Variants in PDS5A observed in about 807,000 individuals in gnomAD.
PDS5A encodes the protein sister chromatid cohesion protein PDS5 homolog A.
A neutral mutation model predicts 167.1 loss-of-function variants in PDS5A; 42 were observed. That is an observed-to-expected ratio of 0.25 (90% CI 0.20 to 0.33). The LOEUF (loss-of-function observed/expected upper bound fraction) is 0.33. Among genes scored for constraint, PDS5A ranks in the 10% least tolerant of loss-of-function variants. PDS5A has a pLI of 1.00. For synonymous variants in PDS5A, 553 were observed against 554.6 expected (o/e 1.00, Z 0.04); for missense variants, 1,033 against 1,605.9 (o/e 0.64, Z 6.10).
intron 2 of PDS5A, among the ~76,000 whole-genome samples, chr4:39,945,458 C>CAAAAAAAAAAAAAAAAAAAAAA (rs1210256217): frequency 1.5e-5 from 1 of 66,840 alleles, no homozygotes; most frequent in Non-Finnish European, 3.0e-5. Context: ...GAGACTGCCT[C>CAAAAAAAAAAAAAAAAAAAAAA]AAAAAAAAAA....
rs1210256217 is a variant in PDS5A, at chr4:39,945,458, C to CAAAAAAAAAAAA, written c.139-17306_139-17295dup. The stretch of plus-strand genomic sequence containing the variant: ...CCTGGGCGACAGAGCGAGACTGCCT[C>CAAAAAAAAAAAA]AAAAAAAAAAAAAAAAAAAAAAATT... On this transcript the variant is annotated intron_variant, in intron 2 of 32. Transcript: ENST00000303538. Among the ~76,000 whole-genome samples, 182 of 66,812 alleles carry CAAAAAAAAAAAA rather than the reference C, an allele frequency of 2.7e-3. 3 individuals carry two copies. Among genetic ancestry groups the CAAAAAAAAAAAA allele is most frequent in the African/African-American group, 9.1e-3 (169 of 18,586 alleles). 43.8% of individuals were successfully genotyped at this position (66,812 alleles called of 152,430 possible). A position where few individuals can be genotyped will look rare whatever the true frequency, so the allele number is the denominator to read the frequency against.
intron 2 of PDS5A, among the ~76,000 whole-genome samples, chr4:39,968,834 G>T (rs1730235657): frequency 6.6e-6 from 1 of 151,380 alleles, no homozygotes; most frequent in South Asian, 2.1e-4. Flanking sequence ...GGAGTGCAGT[G>T]GCGTGATCTC....
intron 17 of PDS5A, 115 bp from the exon 18 acceptor site, chr4:39,879,948 T>TG (rs1020167808): frequency 1.7e-5 from 10 of 597,016 alleles, no homozygotes; most frequent in Middle Eastern, 3.2e-4. Flanking sequence ...GGAGTTTCTG[T>TG]GGGGGAAAAA....
intron 16 of PDS5A, among the ~76,000 whole-genome samples, chr4:39,894,852 T>G (rs1396170509): frequency 6.6e-6 from 1 of 152,108 alleles, no homozygotes. Context: ...TGCAGGGCCC[T>G]TATACAGAGA....
rs200423181 is a variant in PDS5A, at chr4:39,973,738, G to T, written c.138+2702C>A. On this transcript the variant is annotated intron_variant, in intron 2 of 32. Transcript: ENST00000303538. ...CACTAACCAGCATATGCAGAGAATG[G>T]CAAGTGTACGAGCTGTGCCCAACCA... The T allele has an allele frequency of 1.5e-5, 19 of 1,287,008 alleles. No homozygotes were observed. In the African/African-American group the frequency reaches 2.2e-4, roughly 15 times the overall value. The allele number at this position is 1,287,008 out of a possible 1,614,324, so 79.7% of individuals were successfully genotyped here.
chr4:39,874,230 A>T, intron 20 of PDS5A, 59 bp downstream of exon 20: 1 of 1,451,098 alleles, frequency 6.9e-7, no homozygotes, highest in South Asian at 1.2e-5. Flanking sequence ...CATCTTCATC[A>T]AACTATAGAG....
chr4:39,904,970 T>C (rs1578709439), intron 11 of PDS5A, among the ~76,000 whole-genome samples: 1 of 152,212 alleles, frequency 6.6e-6, no homozygotes, highest in Non-Finnish European at 1.5e-5. Context: ...TACATCCCTT[T>C]AGATGTTAAC....
At chr4:39,922,111 C>T (rs963955954) in intron 6 of PDS5A, among the ~76,000 whole-genome samples, 7 of 152,080 alleles carry the variant, frequency 4.6e-5, no homozygotes, top group African/African-American at 1.7e-4. Flanking sequence ...TTAGGAGGAT[C>T]TGGTGGAGAT....
At chr4:39,914,950 G>A (rs1446810665) in intron 8 of PDS5A, among the ~76,000 whole-genome samples, 2 of 152,100 alleles carry the variant, frequency 1.3e-5, no homozygotes, top group African/African-American at 4.8e-5. Flanking sequence ...TCAAGAACAG[G>A]GGTTTTGTGG....
intron 17 of PDS5A, among the ~76,000 whole-genome samples, chr4:39,884,285 T>C (rs941842969): frequency 3.3e-5 from 5 of 152,200 alleles, no homozygotes; most frequent in African/African-American, 1.2e-4. Flanking sequence ...ACTGGTGCTG[T>C]CAATTTATCT....
intron 16 of PDS5A, among the ~76,000 whole-genome samples, chr4:39,895,099 A>G (rs1696247528): frequency 6.7e-6 from 1 of 149,164 alleles, no homozygotes; most frequent in Non-Finnish European, 1.5e-5. Flanking sequence ...AGGTGGCAGG[A>G]GCCTGTAGTC....
rs1469596752 is a variant in PDS5A at position 39,898,809 on chromosome 4, G to A, written c.1598C>T (p.Ser533Phe). The A allele has an allele frequency of 2.5e-6, 4 of 1,590,910 alleles. No individual in the cohort carries two copies. The highest frequency in any genetic ancestry group is 2.6e-6 in the Non-Finnish European group (3 of 1,165,982). ...HKQPTSEANC[S>F]AMFGKLMTIA... ...GGTCATCAGTTTTCCAAACATGGCA[G>A]AACAGTTAGCCTCTGACTGAAATTT... Residue 533 changes from serine (S) to phenylalanine (F), a missense_variant, in exon 15 of 33, where the codon TCT becomes TTT. Around this residue, in one of 4 missense-constraint regions of PDS5A, gnomAD observed 45 missense variants for 40.2 expected, o/e 1.12. Coordinates refer to ENST00000303538, the MANE Select transcript of PDS5A (RefSeq NM_001100399.2).
chr4:39,922,771 A>G (rs919618531), intron 5 of PDS5A, 23 bp from the exon 6 acceptor site: 7 of 1,420,620 alleles, frequency 4.9e-6, no homozygotes, highest in Admixed American at 4.9e-5. Flanking sequence ...AAAAAAAAGA[A>G]TAAGTAGTAG....
intron 21 of PDS5A, among the ~76,000 whole-genome samples, chr4:39,870,626 G>A (rs1169042689): frequency 6.6e-6 from 1 of 151,704 alleles, no homozygotes; most frequent in Non-Finnish European, 1.5e-5. Context: ...ATAAGAGTGG[G>A]GTGGGGGAAG....
intron 2 of PDS5A, among the ~76,000 whole-genome samples, chr4:39,954,343 G>A (rs570944079): frequency 5.9e-5 from 9 of 152,144 alleles, no homozygotes; most frequent in South Asian, 2.1e-4. Flanking sequence ...CTTGGTGACA[G>A]AGCGAGACCC....
intron 16 of PDS5A, chr4:39,898,150 A>G: frequency 3.3e-6 from 4 of 1,218,958 alleles, no homozygotes; most frequent in Non-Finnish European, 4.1e-6. Context: ...AAAGTACTTT[A>G]TCTTGTAAAA....
Position 39,842,039 on chromosome 4 carries a change from G to T in PDS5A, c.3566C>A (p.Ala1189Glu), listed in dbSNP as rs970953809. ...GNRSREQSSEAAETGVSENEE... is the reference protein window; with the variant it reads ...GNRSREQSSEEAETGVSENEE... ...ATTTTCACTAACTCCAGTTTCTGCT[G>T]CCTCTGAACTCTGTTCCCTGTTTAA... The change falls in exon 31 of 33, where the codon GCA becomes GAA. Residue 1189 changes from alanine to glutamate, a missense_variant. Ala to Glu is a moderately radical substitution (Grantham distance 107). This residue lies in a region of PDS5A where 233 missense variants were observed against 264.0 expected (regional missense o/e 0.88). Transcript: ENST00000303538. 1.2e-6 allele frequency: 2 copies of T among 1,602,346 alleles called. No homozygotes were observed. The highest frequency in any genetic ancestry group is 1.3e-5 in the African/African-American group (1 of 74,656).
chr4:39,946,550 T>C (rs2109777680), intron 2 of PDS5A, among the ~76,000 whole-genome samples: 1 of 152,202 alleles, frequency 6.6e-6, no homozygotes, highest in South Asian at 2.1e-4. Flanking sequence ...TCAGCTAGAC[T>C]GACCAAGAAA....
At chr4:39,849,277 T>C (rs1717906952) in intron 27 of PDS5A, among the ~76,000 whole-genome samples, 1 of 152,174 alleles carries the variant, frequency 6.6e-6, no homozygotes, top group Non-Finnish European at 1.5e-5. Flanking sequence ...TAATATACCA[T>C]AGTTGTACAT....
Sources: allele counts gnomAD v4.1 joint callset (sites outside exome capture counted in the v4.1 genomes callset), GRCh38; gene constraint gnomAD v4.1.1; regional missense constraint gnomAD v4.1.1; transcripts MANE v1.5; gene names NCBI Gene and HGNC (gene_info 2026-07-23, HGNC 2026-07-21).